Variants in PRDM1 observed in about 807,000 individuals in gnomAD.
PRDM1 encodes PR domain zinc finger protein 1.
PRDM1 carries 13 observed loss-of-function variants against 62.8 expected under a neutral mutation model. The ratio of observed to expected loss-of-function variants is 0.21; its 90% CI spans 0.13 to 0.33. The LOEUF is 0.33. Among genes scored for constraint, PRDM1 ranks in the 10% least tolerant of loss-of-function variants. The pLI is 1.00. For synonymous variants in PRDM1, 396 were observed against 417.6 expected, an observed-to-expected ratio of 0.95 and a Z score of 0.63; for missense variants, 895 against 1,058.8, an observed-to-expected ratio of 0.85 and a Z score of 2.15.
chr6:106,042,411 C>T (rs946006861), intron 1 of PRDM1, among the ~76,000 whole-genome samples: 4 of 151,522 alleles, frequency 2.6e-5, no homozygotes, highest in Non-Finnish European at 4.4e-5. Context: ...CCTGTAATCC[C>T]AGCTACTCGG....
At chr6:105,993,339 TAGG>T (rs1389754883), upstream of PRDM1, among the ~76,000 whole-genome samples, 1 of 152,134 alleles carries the variant, frequency 6.6e-6, no homozygotes, top group Non-Finnish European at 1.5e-5. Context: ...TCAGTAACAA[TAGG>T]AGAACTGGTT....
At position 106,104,961 on chromosome 6, in the gene PRDM1, C is replaced by T. The variant is rs1774406382; in HGVS notation, c.801C>T (p.Tyr267=). 6.2e-7 allele frequency: 1 copy of T among 1,614,120 alleles called. No individual in the cohort carries two copies. The highest frequency in any genetic ancestry group is 8.5e-7 in the Non-Finnish European group (1 of 1,180,026). Residue 267 remains tyrosine, a synonymous_variant, in exon 5 of 7, where the codon TAC becomes TAT. Coordinates refer to ENST00000369096, the MANE Select transcript of PRDM1 (RefSeq NM_001198.4). Reference sequence around the variant, plus strand: ...ACCCCTCCAAAGGAAAGGACCTCTACCGTTCTAACATTTCACCCCTCACAT... The same window carrying T: ...ACCCCTCCAAAGGAAAGGACCTCTATCGTTCTAACATTTCACCCCTCACAT... ...DSNPSKGKDL[Y]RSNISPLTSE...
intron 1 of PRDM1, among the ~76,000 whole-genome samples, chr6:106,050,317 A>G (rs1773153135): frequency 6.6e-6 from 1 of 152,218 alleles, no homozygotes; most frequent in African/African-American, 2.4e-5. Context: ...AAAATCTTGG[A>G]TAAGTTATAC....
rs891355876 is a variant in PRDM1 at position 106,098,725 on chromosome 6, A to G, written c.412-575A>G. 4 of 1,404,438 alleles carry G rather than the reference A, an allele frequency of 2.8e-6. No individual in the cohort carries two copies. The African/African-American group carries it at 5.7e-5, about 20-fold the overall frequency. The allele number at this position is 1,404,438 out of a possible 1,614,324, so 87.0% of individuals were successfully genotyped here. A position where few individuals can be genotyped will look rare whatever the true frequency, so the allele number is the denominator to read the frequency against. ...CACCCAGTGTTTCCACAAAAAGGCA[A>G]GGTTCCAAGTATTCATATGAACAAG... is the stretch of plus-strand genomic sequence containing the variant. On this transcript the variant is annotated intron_variant, in intron 3 of 6. Transcript: ENST00000369096.
chr6:106,083,218 GT>G (rs1773722934), upstream of PRDM1, among the ~76,000 whole-genome samples: 1 of 84,198 alleles, frequency 1.2e-5, no homozygotes, highest in Non-Finnish European at 2.6e-5. Context: ...GGTGTGGGGG[GT>G]GAGGGTGGGT....
intron 1 of PRDM1, among the ~76,000 whole-genome samples, chr6:106,037,500 C>T (rs1486197285): frequency 6.6e-6 from 1 of 152,010 alleles, no homozygotes; most frequent in Non-Finnish European, 1.5e-5. Context: ...GTTGGTTTAC[C>T]GATGGCATCC....
chr6:106,109,290 A>T lies in PRDM1; in HGVS notation c.*1804A>T. On this transcript the variant is annotated 3_prime_UTR_variant, in exon 7 of 7. Transcript: ENST00000369096. ...TTTAGTATTAAGGACCATCTAAGAC[A>T]GCTCTATTTTTTTTTTGCCACTTTA... 1 of 232,656 alleles carries T rather than the reference A, an allele frequency of 4.3e-6. No individual in the cohort carries two copies. Among genetic ancestry groups the T allele is most frequent in the Non-Finnish European group, 8.5e-6 (1 of 117,438 alleles). 14.4% of individuals were successfully genotyped at this position (232,656 alleles called of 1,614,324 possible). A position where few individuals can be genotyped will look rare whatever the true frequency, so the allele number is the denominator to read the frequency against.
At chr6:105,997,918 T>C (rs936383517) in intron 1 of PRDM1, among the ~76,000 whole-genome samples, 2 of 152,214 alleles carry the variant, frequency 1.3e-5, no homozygotes, top group African/African-American at 4.8e-5. Flanking sequence ...ATATGATGGT[T>C]TCTTGCCCTT....
intron 1 of PRDM1, among the ~76,000 whole-genome samples, chr6:105,999,582 C>T (rs556782623): frequency 1.1e-3 from 161 of 152,252 alleles, no homozygotes; most frequent in South Asian, 5.0e-3. Context: ...CAAGTGTCAT[C>T]GTGATGGGCT....
intron 1 of PRDM1, among the ~76,000 whole-genome samples, chr6:106,016,531 A>C (rs1478314130): frequency 2.6e-5 from 4 of 151,770 alleles, no homozygotes. Context: ...TAAATGGTAG[A>C]TGGAAAATTA....
intron 1 of PRDM1, among the ~76,000 whole-genome samples, chr6:106,060,647 G>A (rs766430875): frequency 1.3e-5 from 2 of 152,112 alleles, no homozygotes; most frequent in African/African-American, 4.8e-5. Context: ...TAGGGCAGTT[G>A]TTCATTGGAT....
chr6:106,100,957 ACT>A (rs1340931845), intron 4 of PRDM1, among the ~76,000 whole-genome samples: 5 of 151,094 alleles, frequency 3.3e-5, no homozygotes, highest in African/African-American at 7.3e-5. Context: ...GACTCTGGAG[ACT>A]CTGTCATATC....
chr6:106,026,198 G>T (rs1772763969), intron 1 of PRDM1, among the ~76,000 whole-genome samples: 1 of 152,198 alleles, frequency 6.6e-6, no homozygotes, highest in Non-Finnish European at 1.5e-5. Flanking sequence ...GCAGAAAATG[G>T]CCGGGTGCAG....
intron 1 of PRDM1, among the ~76,000 whole-genome samples, chr6:106,087,205 T>C (rs1335593783): frequency 1.3e-5 from 2 of 152,172 alleles, no homozygotes; most frequent in East Asian, 3.9e-4. Flanking sequence ...TTTTTCTGAG[T>C]GTGAGGGAGG....
chr6:106,006,353 G>A lies in PRDM1; in HGVS notation c.-67+12714G>A, dbSNP rs536718491. Among the ~76,000 whole-genome samples, 85 of 152,286 alleles carry A rather than the reference G, an allele frequency of 5.6e-4. 1 individual carries two copies. The highest frequency in any genetic ancestry group is 1.9e-3 in the African/African-American group (81 of 41,560). On this transcript the variant is annotated intron_variant, in intron 1 of 6. Coordinates refer to the PRDM1 transcript ENST00000652320. ...ACTTTCGTAGTAAGGAGGAAAATATGTCAAGGAAAGAAGCAGCTCTGTTTC... is the reference window on the plus strand; with the variant it reads ...ACTTTCGTAGTAAGGAGGAAAATATATCAAGGAAAGAAGCAGCTCTGTTTC...
At position 106,106,020 on chromosome 6, in the gene PRDM1, A is replaced by T; in HGVS notation, c.1773+87A>T. On this transcript the variant is annotated intron_variant, in intron 5 of 6. Coordinates refer to ENST00000369096, the MANE Select transcript of PRDM1 (RefSeq NM_001198.4). This position sits in a 1 kb window ranked among gnomAD's most constrained non-coding sequence, Gnocchi z 4.4. ...TTGCTTTCCATGGGGTATCGATTGC[A>T]TTTGCAGTAGTATGAGCCCCCGGTT... The T allele has an allele frequency of 6.6e-7, 1 of 1,514,560 alleles. No individual in the cohort carries two copies. The highest frequency in any genetic ancestry group is 8.9e-7 in the Non-Finnish European group (1 of 1,129,910). The allele number at this position is 1,514,560 out of a possible 1,614,324, so 93.8% of individuals were successfully genotyped here.
At chr6:106,072,024 T>C (rs1015510095) in intron 1 of PRDM1, 3 of 152,228 alleles carry the variant, frequency 2.0e-5, no homozygotes, top group Admixed American at 2.0e-4. Flanking sequence ...GGTATTCTAC[T>C]GTGCAGCAAA....
chr6:106,088,114 A>G (rs1773858093), intron 1 of PRDM1, 87 bp from the exon 2 acceptor site: 5 of 1,465,972 alleles, frequency 3.4e-6, no homozygotes, highest in Non-Finnish European at 4.5e-6. Flanking sequence ...TAAAGTCTTC[A>G]GACTACTGTA....
chr6:106,096,448 G>T (rs1774120984), intron 3 of PRDM1, among the ~76,000 whole-genome samples: 1 of 152,040 alleles, frequency 6.6e-6, no homozygotes, highest in African/African-American at 2.4e-5. Context: ...GCCCAGCCAG[G>T]AATGACAAAT....
Sources: allele counts gnomAD v4.1 joint callset (sites outside exome capture counted in the v4.1 genomes callset), GRCh38; gene constraint gnomAD v4.1.1; non-coding constraint Gnocchi (gnomAD v3.1); transcripts MANE v1.5; gene names NCBI Gene and HGNC (gene_info 2026-07-23, HGNC 2026-07-21).